Variants in COL14A1 observed in about 807,000 individuals in gnomAD.
The protein encoded by COL14A1 is collagen type XIV alpha 1 chain, also known as collagen alpha-1(XIV) chain.
Under a neutral mutation model 230.3 loss-of-function variants are expected in COL14A1, and 136 were observed. That is an observed-to-expected ratio of 0.59 (90% CI 0.51 to 0.68). COL14A1 has a LOEUF of 0.68. COL14A1 is among the 30% of genes least tolerant of loss of function. The pLI, the probability that COL14A1 is intolerant of heterozygous loss-of-function variation, is 0.00. For synonymous variants in COL14A1, 792 were observed against 784.1 expected, an observed-to-expected ratio of 1.01 and a Z score of -0.17; for missense variants, 1,976 against 2,215.8, an observed-to-expected ratio of 0.89 and a Z score of 2.17.
intron 40 of COL14A1, among the ~76,000 whole-genome samples, chr8:120,327,166 G>T (rs1821702406): frequency 6.6e-6 from 1 of 152,202 alleles, no homozygotes; most frequent in Admixed American, 6.5e-5. Flanking sequence ...ATGCATTGTA[G>T]TGGATGCTGT....
chr8:120,354,249 G>C (rs1490423131), intron 45 of COL14A1, among the ~76,000 whole-genome samples: 1 of 99,560 alleles, frequency 1.0e-5, no homozygotes, highest in African/African-American at 4.1e-5. Flanking sequence ...TGTGGGGTGG[G>C]GGGAGGGGGG....
At chr8:120,304,602 A>T (rs1358813553) in intron 36 of COL14A1, among the ~76,000 whole-genome samples, 1 of 152,212 alleles carries the variant, frequency 6.6e-6, no homozygotes, top group African/African-American at 2.4e-5. Flanking sequence ...AACTTCAGTA[A>T]TGCTTTTTAC....
chr8:120,334,585 A>ACACACACACACAC (rs113923173), intron 42 of COL14A1, among the ~76,000 whole-genome samples: 6,773 of 144,674 alleles, frequency 0.047, 197 homozygotes, highest in East Asian at 0.099. Flanking sequence ...CACACACAAA[A>ACACACACACACAC]ACACACACAC....
At chr8:120,351,442 T>C (rs1455208508) in intron 45 of COL14A1, among the ~76,000 whole-genome samples, 5 of 120,286 alleles carry the variant, frequency 4.2e-5, no homozygotes, top group Non-Finnish European at 5.2e-5. Context: ...AATCAATGAA[T>C]CCAGGAGCTG....
intron 8 of COL14A1, among the ~76,000 whole-genome samples, chr8:120,201,789 G>C (rs899272004): frequency 6.6e-6 from 1 of 152,132 alleles, no homozygotes; most frequent in Non-Finnish European, 1.5e-5. Context: ...GGTTGTTGGG[G>C]TACAAAGATG....
Position 120,267,071 on chromosome 8 carries a change from CAA to C in COL14A1, c.3073+190_3073+191del, listed in dbSNP as rs1306437902. On this transcript the variant is annotated intron_variant, in intron 25 of 47. Coordinates refer to ENST00000297848, the MANE Select transcript of COL14A1 (RefSeq NM_021110.4). ...ATCCATTTAATATCAATTCTGCACACAAAGAGTGGATTTACTAACAGAATTGC... is the reference window on the plus strand; with the variant it reads ...ATCCATTTAATATCAATTCTGCACACAGAGTGGATTTACTAACAGAATTGC... 5.4e-6 allele frequency: 3 copies of C among 555,012 alleles called. No homozygotes were observed. In the East Asian group the frequency reaches 9.3e-5, roughly 17 times the overall value. The allele number at this position is 555,012 out of a possible 1,614,324, so 34.4% of individuals were successfully genotyped here.
chr8:120,201,113 GTAT>G (rs1817235339), intron 8 of COL14A1, among the ~76,000 whole-genome samples: 1 of 151,876 alleles, frequency 6.6e-6, no homozygotes, highest in African/African-American at 2.4e-5. Context: ...TAAGAGAAGT[GTAT>G]TATTATTATT....
chr8:120,205,040 A>G (rs1313686948), intron 9 of COL14A1, among the ~76,000 whole-genome samples: 1 of 152,140 alleles, frequency 6.6e-6, no homozygotes, highest in Non-Finnish European at 1.5e-5. Context: ...ACAGCCAAAA[A>G]AGGCTGGAAT....
At chr8:120,202,965 T>A (rs2130732955) in intron 8 of COL14A1, among the ~76,000 whole-genome samples, 1 of 136,768 alleles carries the variant, frequency 7.3e-6, no homozygotes, top group Non-Finnish European at 1.6e-5. Flanking sequence ...CTTGGCTTAA[T>A]GCTATACAAT....
chr8:120,319,220 A>G (rs1215944887), intron 40 of COL14A1, among the ~76,000 whole-genome samples: 1 of 152,098 alleles, frequency 6.6e-6, no homozygotes, highest in Admixed American at 6.6e-5. Context: ...ACAGTGGTGT[A>G]ATCATGACTC....
At chr8:120,309,215 A>G (rs576341967) in intron 36 of COL14A1, among the ~76,000 whole-genome samples, 66 of 152,318 alleles carry the variant, frequency 4.3e-4, no homozygotes, top group Non-Finnish European at 7.9e-4. Flanking sequence ...GATTACAGGC[A>G]TGAGCCACTG....
rs1815543485 is a variant in COL14A1, at chr8:120,158,155, T to C, written c.114T>C (p.Tyr38=). Residue 38 remains tyrosine (Y), a synonymous_variant, in exon 3 of 48, where the codon TAT becomes TAC. Coordinates refer to ENST00000297848, the MANE Select transcript of COL14A1 (RefSeq NM_021110.4). ...TGGCTCCACCCACAAGGTTAAGATATAATGTAATATCTCATGACAGTATAC... is the reference window on the plus strand; with the variant it reads ...TGGCTCCACCCACAAGGTTAAGATACAATGTAATATCTCATGACAGTATAC... ...GQVAPPTRLR[Y]NVISHDSIQI... The C allele has an allele frequency of 1.9e-6, 3 of 1,598,324 alleles. No individual in the cohort carries two copies. In the South Asian group the frequency reaches 3.4e-5, roughly 18 times the overall value.
At position 120,342,504 on chromosome 8, in the gene COL14A1, A is replaced by G. The variant is rs1378332937; in HGVS notation, c.4888+58A>G. 5.8e-6 allele frequency: 9 copies of G among 1,547,794 alleles called. No homozygotes were observed. In the East Asian group the frequency reaches 2.0e-4, roughly 35 times the overall value. On this transcript the variant is annotated intron_variant, in intron 44 of 47. Transcript: ENST00000297848. ...CATAACAAACTCTCATCCAAAAGAG[A>G]GTTTCTTTTCCCATGAGCGTACCAC...
At chr8:120,295,001 T>A (rs1211210380) in intron 34 of COL14A1, among the ~76,000 whole-genome samples, 1 of 151,712 alleles carries the variant, frequency 6.6e-6, no homozygotes, top group Non-Finnish European at 1.5e-5. Context: ...CTGTTATAGG[T>A]GGTTAGGTGG....
chr8:120,230,110 G>C (rs575381846), intron 18 of COL14A1, among the ~76,000 whole-genome samples: 1 of 152,224 alleles, frequency 6.6e-6, no homozygotes, highest in East Asian at 1.9e-4. Flanking sequence ...TTTAACTCCT[G>C]AGCTCAAATG....
chr8:120,305,384 G>A (rs1326499237), intron 36 of COL14A1, among the ~76,000 whole-genome samples: 1 of 151,944 alleles, frequency 6.6e-6, no homozygotes, highest in Non-Finnish European at 1.5e-5. Context: ...AATATGCCTA[G>A]GACATAATTT....
intron 25 of COL14A1, among the ~76,000 whole-genome samples, chr8:120,269,782 GT>G (rs1307540646): frequency 1.3e-5 from 2 of 151,642 alleles, no homozygotes; most frequent in Non-Finnish European, 3.0e-5. Context: ...TTGGTGGACA[GT>G]TTTTTCTTTC....
intron 45 of COL14A1, among the ~76,000 whole-genome samples, chr8:120,355,777 A>G (rs937497672): frequency 6.6e-6 from 1 of 152,154 alleles, no homozygotes; most frequent in Non-Finnish European, 1.5e-5. Flanking sequence ...AAATTTTTGA[A>G]TCAGAGAAAC....
At chr8:120,229,944 G>A (rs1486374269) in intron 18 of COL14A1, among the ~76,000 whole-genome samples, 2 of 152,040 alleles carry the variant, frequency 1.3e-5, no homozygotes, top group Non-Finnish European at 2.9e-5. Context: ...GCAGCACCAC[G>A]ATCAAGGCTC....
Sources: allele counts gnomAD v4.1 joint callset (sites outside exome capture counted in the v4.1 genomes callset), GRCh38; gene constraint gnomAD v4.1.1; transcripts MANE v1.5; gene names NCBI Gene and HGNC (gene_info 2026-07-23, HGNC 2026-07-21).